Variants in CAMK1D observed in about 807,000 individuals in gnomAD.
CAMK1D encodes the protein calcium/calmodulin dependent protein kinase ID.
A neutral mutation model predicts 47.7 loss-of-function variants in CAMK1D; 9 were observed. That is an observed-to-expected ratio of 0.19 (90% CI 0.11 to 0.33). The LOEUF (loss-of-function observed/expected upper bound fraction) is 0.33. Ranked by LOEUF, CAMK1D falls within the 10% of genes least tolerant of loss-of-function variation. The probability of loss-of-function intolerance (pLI) is 1.00; values close to 1 mark genes in which losing one functional copy is unlikely to be tolerated. For missense variants in CAMK1D, 291 were observed against 488.7 expected, an observed-to-expected ratio of 0.60 and a Z score of 3.81; for synonymous variants, 184 against 184.9, an observed-to-expected ratio of 0.99 and a Z score of 0.04.
chr10:12,559,542 T>G (rs1280851593), intron 2 of CAMK1D, among the ~76,000 whole-genome samples: 1 of 152,088 alleles, frequency 6.6e-6, no homozygotes, highest in Non-Finnish European at 1.5e-5. Flanking sequence ...TGTGTACAGA[T>G]GTGTCCGCAG....
chr10:12,825,872 C>T (rs962311450), intron 10 of CAMK1D, 182 bp downstream of exon 10: 4 of 961,870 alleles, frequency 4.2e-6, no homozygotes, highest in Admixed American at 3.0e-5. Context: ...TGCAGTGGCT[C>T]ACGCCTGTAA....
At chr10:12,733,637 G>A (rs982264250) in intron 3 of CAMK1D, among the ~76,000 whole-genome samples, 4 of 152,178 alleles carry the variant, frequency 2.6e-5, no homozygotes, top group African/African-American at 9.7e-5. Flanking sequence ...AGAAACATCA[G>A]AATTAAAATG....
In CAMK1D at chr10:12,731,245, C is replaced by T. The variant is rs568622657; in HGVS notation, c.300-29703C>T. ...CGTGCAAGATTGGCTGTAGAAGGAT[C>T]GTGCGTCCTCTATGAAGGGAGAGAA... On this transcript the variant is annotated intron_variant, in intron 3 of 10. Coordinates refer to ENST00000619168, the MANE Select transcript of CAMK1D (RefSeq NM_153498.4). Among the ~76,000 whole-genome samples the T allele has an allele frequency of 3.3e-4, 50 of 152,220 alleles. 2 individuals are homozygous for T. The South Asian group carries it at 1.0e-2, about 30-fold the overall frequency.
chr10:12,798,992 G>A (rs918513026), intron 6 of CAMK1D, among the ~76,000 whole-genome samples: 6 of 152,166 alleles, frequency 3.9e-5, no homozygotes, highest in Admixed American at 2.0e-4. Flanking sequence ...CCAGCTCCAC[G>A]GTGGGTGGCA....
chr10:12,422,472 C>T (rs768211558), intron 1 of CAMK1D, among the ~76,000 whole-genome samples: 20 of 152,082 alleles, frequency 1.3e-4, no homozygotes, highest in Non-Finnish European at 1.5e-4. Flanking sequence ...ACAGGTCTTA[C>T]GAGGGGATGC....
At chr10:12,440,100 A>C (rs1198772022) in intron 1 of CAMK1D, among the ~76,000 whole-genome samples, 1 of 152,216 alleles carries the variant, frequency 6.6e-6, no homozygotes, top group African/African-American at 2.4e-5. Context: ...GTGGGGACAC[A>C]GCCAAACCAT....
chr10:12,642,806 C>G (rs1477026426), intron 2 of CAMK1D, among the ~76,000 whole-genome samples: 1 of 151,882 alleles, frequency 6.6e-6, no homozygotes, highest in Non-Finnish European at 1.5e-5. Flanking sequence ...TCATTTCCAG[C>G]GAGTGTTGGG....
chr10:12,770,844 G>T (rs1837004278), intron 5 of CAMK1D, among the ~76,000 whole-genome samples: 1 of 152,082 alleles, frequency 6.6e-6, no homozygotes, highest in East Asian at 1.9e-4. Context: ...GTACGAGCTA[G>T]GGATGTCTGA....
chr10:12,642,048 T>A (rs200111911), intron 2 of CAMK1D, among the ~76,000 whole-genome samples: 194 of 133,170 alleles, frequency 1.5e-3, no homozygotes, highest in African/African-American at 2.7e-3. Flanking sequence ...TTTCTCAGAA[T>A]AAAAAAAAAA....
chr10:12,412,862 C>A (rs1839712245), intron 1 of CAMK1D, among the ~76,000 whole-genome samples: 1 of 152,038 alleles, frequency 6.6e-6, no homozygotes, highest in African/African-American at 2.4e-5. Flanking sequence ...AGCATCTGTG[C>A]TTGGCCCTCC....
chr10:12,569,896 G>A (rs533662649), intron 2 of CAMK1D, among the ~76,000 whole-genome samples: 2 of 151,652 alleles, frequency 1.3e-5, no homozygotes, highest in African/African-American at 4.8e-5. Flanking sequence ...AGTACTTGAG[G>A]TAACTACTTT....
chr10:12,509,008 G>A (rs1197151074), intron 1 of CAMK1D, among the ~76,000 whole-genome samples: 3 of 152,226 alleles, frequency 2.0e-5, no homozygotes, highest in Non-Finnish European at 4.4e-5. Flanking sequence ...CTGGGCTGGA[G>A]TTCTGCTGGT....
At chr10:12,666,043 G>A (rs1379738820) in intron 2 of CAMK1D, among the ~76,000 whole-genome samples, 1 of 152,186 alleles carries the variant, frequency 6.6e-6, no homozygotes, top group Non-Finnish European at 1.5e-5. Flanking sequence ...CTCTGTGCTT[G>A]TCGTGGGGCC....
At chr10:12,543,387 G>A (rs995321624) in intron 1 of CAMK1D, among the ~76,000 whole-genome samples, 2 of 152,062 alleles carry the variant, frequency 1.3e-5, no homozygotes, top group African/African-American at 4.8e-5. Context: ...AAATAGTAAA[G>A]GTATTAGAAA....
chr10:12,577,310 G>C (rs1333183068), intron 2 of CAMK1D, among the ~76,000 whole-genome samples: 1 of 152,176 alleles, frequency 6.6e-6, no homozygotes. Context: ...TAGGAACTAT[G>C]CCTCCAGCCC....
At chr10:12,545,025 A>G (rs1836317053) in intron 1 of CAMK1D, among the ~76,000 whole-genome samples, 1 of 152,218 alleles carries the variant, frequency 6.6e-6, no homozygotes, top group Non-Finnish European at 1.5e-5. Context: ...GATCATCAGA[A>G]GTGTCTTGAG....
At position 12,504,483 on chromosome 10, in the gene CAMK1D, C is replaced by T. The variant is rs554291940; in HGVS notation, c.93-48742C>T. 5.1e-4 allele frequency among the ~76,000 whole-genome samples: 78 copies of T among 152,214 alleles called. 2 individuals are homozygous for T. In the South Asian group the frequency reaches 0.014, roughly 28 times the overall value. ...CCCTTCCTCTGCCTTTTCATTCCAC[C>T]CTGGTCCTCAGTAGATTAGGTGATG... On this transcript the variant is annotated intron_variant, in intron 1 of 10. Coordinates refer to ENST00000619168, the MANE Select transcript of CAMK1D (RefSeq NM_153498.4).
intron 2 of CAMK1D, among the ~76,000 whole-genome samples, chr10:12,623,152 CCTCCCTCCTTTCTTT>C (rs1839063063): frequency 8.4e-5 from 1 of 11,972 alleles, no homozygotes; most frequent in Non-Finnish European, 1.8e-4. Context: ...TCCCTTCCTT[CCTCCCTCCTTTCTTT>C]CCTTCCTCCC....
At position 12,387,230 on chromosome 10, in the gene CAMK1D, A is replaced by G. The variant is rs779637172; in HGVS notation, c.92+37320A>G. 9.7e-4 allele frequency among the ~76,000 whole-genome samples: 145 copies of G among 149,516 alleles called. 1 individual carries two copies. The highest frequency in any genetic ancestry group is 3.5e-3 in the Middle Eastern group (1 of 286). On this transcript the variant is annotated intron_variant, in intron 1 of 10. Coordinates refer to ENST00000619168, the MANE Select transcript of CAMK1D (RefSeq NM_153498.4). ...AAAAAAAAAAAAAAGTTACCGTTACATATTTCATTTTACAATTATTGCTAT... is the reference window on the plus strand; with the variant it reads ...AAAAAAAAAAAAAAGTTACCGTTACGTATTTCATTTTACAATTATTGCTAT...
Sources: allele counts gnomAD v4.1 joint callset (sites outside exome capture counted in the v4.1 genomes callset), GRCh38; gene constraint gnomAD v4.1.1; transcripts MANE v1.5; gene names NCBI Gene and HGNC (gene_info 2026-07-23, HGNC 2026-07-21).